The following IMPG1 variants were observed in gnomAD, a reference collection of about 807,000 sequenced individuals.
The protein encoded by IMPG1 is interphotoreceptor matrix proteoglycan 1, also known as interphotoreceptor matrix proteoglycan of 150 kDa.
Under a neutral mutation model 92.0 loss-of-function variants are expected in IMPG1, and 85 were observed. That is an observed-to-expected ratio of 0.92 (90% CI 0.78 to 1.11). IMPG1 has a LOEUF of 1.11. Among genes scored for constraint, IMPG1 ranks in the 50% least tolerant of loss-of-function variants. IMPG1 has a pLI of 0.00. For missense variants in IMPG1, 1,022 were observed against 956.0 expected (o/e 1.07, Z -0.91); for synonymous variants, 367 against 334.1 (o/e 1.10, Z -1.08).
intron 4 of IMPG1, 38 bp downstream of exon 4, chr6:76,034,277 A>C (rs770985270): frequency 1.3e-6 from 2 of 1,599,618 alleles, no homozygotes; most frequent in Non-Finnish European, 1.7e-6. Flanking sequence ...TTTTAAATTC[A>C]AAAGCACACA....
intron 16 of IMPG1, among the ~76,000 whole-genome samples, chr6:75,923,394 A>G (rs1411206751): frequency 6.6e-6 from 1 of 152,128 alleles, no homozygotes; most frequent in African/African-American, 2.4e-5. Context: ...AAAAGATTGG[A>G]AATATTATAA....
At chr6:76,054,768 A>G (rs1784093174) in intron 1 of IMPG1, among the ~76,000 whole-genome samples, 1 of 152,130 alleles carries the variant, frequency 6.6e-6, no homozygotes, top group Non-Finnish European at 1.5e-5. Flanking sequence ...GATGTGGCCA[A>G]TTGGCTCTTG....
chr6:75,966,455 T>G (rs947101767), intron 12 of IMPG1, among the ~76,000 whole-genome samples: 4 of 152,282 alleles, frequency 2.6e-5, no homozygotes, highest in African/African-American at 9.6e-5. Flanking sequence ...TTTGACCCTC[T>G]CGCTTTCTTG....
intron 12 of IMPG1, among the ~76,000 whole-genome samples, chr6:75,974,582 A>T (rs1467580753): frequency 2.0e-5 from 3 of 148,576 alleles, no homozygotes; most frequent in African/African-American, 7.4e-5. Context: ...CGATTCTCCT[A>T]CCTCAGCCTC....
chr6:75,997,499 A>T (rs534833856), intron 12 of IMPG1, among the ~76,000 whole-genome samples: 2 of 152,182 alleles, frequency 1.3e-5, no homozygotes, highest in African/African-American at 4.8e-5. Context: ...CGTTTAATCA[A>T]TGTGGTAGTG....
chr6:76,005,010 C>G (rs1318688955), intron 10 of IMPG1, among the ~76,000 whole-genome samples: 2 of 152,180 alleles, frequency 1.3e-5, no homozygotes, highest in Non-Finnish European at 2.9e-5. Context: ...TCTGTGGGTT[C>G]TTTTCTCTGC....
chr6:75,942,742 G>A (rs549061438), intron 14 of IMPG1, among the ~76,000 whole-genome samples: 4 of 152,222 alleles, frequency 2.6e-5, no homozygotes, highest in Admixed American at 1.3e-4. Context: ...GAAAAACTAG[G>A]AGCAAAATAG....
chr6:75,981,589 A>G lies in IMPG1; in HGVS notation c.1291+21329T>C, dbSNP rs536067981. On this transcript the variant is annotated intron_variant, in intron 12 of 16. Transcript: ENST00000369950. ...GTTAATGGAATATAAATCCCTCATA[A>G]AAAGAGAACTGGTAAGATAGTTTTT... 4.6e-5 allele frequency among the ~76,000 whole-genome samples: 7 copies of G among 152,336 alleles called. No individual in the cohort carries two copies. In the East Asian group the frequency reaches 1.3e-3, roughly 29 times the overall value.
intron 12 of IMPG1, among the ~76,000 whole-genome samples, chr6:75,960,832 G>T (rs559885409): frequency 7.2e-5 from 11 of 152,222 alleles, no homozygotes; most frequent in Admixed American, 1.3e-4. Context: ...AAAATGAAAA[G>T]ATTTAAAATA....
chr6:76,032,832 T>C (rs1428793530), intron 4 of IMPG1, among the ~76,000 whole-genome samples: 1 of 151,948 alleles, frequency 6.6e-6, no homozygotes, highest in Non-Finnish European at 1.5e-5. Context: ...CGATATGCAG[T>C]GAGGAAGAGG....
intron 1 of IMPG1, among the ~76,000 whole-genome samples, chr6:76,048,655 C>G (rs759649765): frequency 6.6e-6 from 1 of 152,200 alleles, no homozygotes; most frequent in Non-Finnish European, 1.5e-5. Flanking sequence ...TAGAAGCACA[C>G]AAACACGCTA....
At chr6:76,042,183 CA>C in intron 1 of IMPG1, 57 bp from the exon 2 acceptor site, 1 of 900,672 alleles carries the variant, frequency 1.1e-6, no homozygotes, top group South Asian at 1.4e-5. Flanking sequence ...TTATATGTGA[CA>C]TATATGGATA....
rs545655267 is a variant in IMPG1 at position 76,029,456 on chromosome 6, G to A, written c.498-4198C>T. 1.0e-3 allele frequency among the ~76,000 whole-genome samples: 157 copies of A among 152,304 alleles called. No individual in the cohort carries two copies. The Middle Eastern group carries it at 0.02, about 20-fold the overall frequency. On this transcript the variant is annotated intron_variant, in intron 4 of 16. Transcript: ENST00000369950. Reference sequence around the variant, plus strand: ...TGATTTTGTTTTTAACAAAAATGAGGACTGGAGAGAGGGAAATTATGTTTC... The same window carrying A: ...TGATTTTGTTTTTAACAAAAATGAGAACTGGAGAGAGGGAAATTATGTTTC...
intron 1 of IMPG1, among the ~76,000 whole-genome samples, chr6:76,047,475 G>C (rs900632001): frequency 2.0e-5 from 3 of 152,192 alleles, no homozygotes; most frequent in Admixed American, 6.5e-5. Context: ...CTGTAAATGA[G>C]ATAAACAAAT....
At chr6:75,950,396 A>T (rs897946421) in intron 13 of IMPG1, among the ~76,000 whole-genome samples, 166 bp downstream of exon 13, 5 of 152,332 alleles carry the variant, frequency 3.3e-5, no homozygotes, top group African/African-American at 1.2e-4. Context: ...CCCCAGTTGG[A>T]TCTGAATTCA....
At chr6:75,984,711 G>T (rs1466278618) in intron 12 of IMPG1, among the ~76,000 whole-genome samples, 3 of 152,154 alleles carry the variant, frequency 2.0e-5, no homozygotes, top group Non-Finnish European at 4.4e-5. Context: ...GTTGGAGTTG[G>T]GGTCTGGAGA....
chr6:75,985,886 A>T (rs962530112), intron 12 of IMPG1, among the ~76,000 whole-genome samples: 1 of 152,250 alleles, frequency 6.6e-6, no homozygotes, highest in Non-Finnish European at 1.5e-5. Context: ...CATTAATAAA[A>T]GAAAACATAA....
chr6:76,046,855 C>G (rs1191147495), intron 1 of IMPG1, among the ~76,000 whole-genome samples: 1 of 152,148 alleles, frequency 6.6e-6, no homozygotes, highest in Non-Finnish European at 1.5e-5. Flanking sequence ...TCCTTACCCC[C>G]CTTTTCTTTT....
intron 12 of IMPG1, among the ~76,000 whole-genome samples, chr6:75,978,265 GT>G (rs1204987378): frequency 2.5e-4 from 38 of 150,902 alleles, no homozygotes; most frequent in African/African-American, 8.9e-4. Context: ...TGTGTTGTAT[GT>G]TTGGCTCCAT....
Sources: allele counts gnomAD v4.1 joint callset (sites outside exome capture counted in the v4.1 genomes callset), GRCh38; gene constraint gnomAD v4.1.1; transcripts MANE v1.5; gene names NCBI Gene and HGNC (gene_info 2026-07-23, HGNC 2026-07-21).